Variants in ZNF675 observed in about 807,000 individuals in gnomAD.
ZNF675 encodes zinc finger protein 675, also known as TRAF6 inhibitory zinc finger.
Under a neutral mutation model 56.1 loss-of-function variants are expected in ZNF675, and 36 were observed. The observed-to-expected ratio is 0.64, with a 90% CI of 0.49 to 0.85. ZNF675 has a LOEUF of 0.85. Among genes scored for constraint, ZNF675 ranks in the 40% least tolerant of loss-of-function variants. The pLI, the probability that ZNF675 is intolerant of heterozygous loss-of-function variation, is 0.00. For missense variants in ZNF675, 663 were observed against 654.2 expected (o/e 1.01, Z -0.15); for synonymous variants, 200 against 218.9 (o/e 0.91, Z 0.76).
chr19:23,658,025 T>A (rs890137469), intron 3 of ZNF675, among the ~76,000 whole-genome samples: 6 of 151,896 alleles, frequency 4.0e-5, no homozygotes, highest in Admixed American at 1.3e-4. Context: ...AGAGAAACGT[T>A]TACTCATAAA....
intron 1 of ZNF675, among the ~76,000 whole-genome samples, chr19:23,667,869 G>A (rs1968174378): frequency 6.9e-6 from 1 of 144,684 alleles, no homozygotes; most frequent in Non-Finnish European, 1.5e-5. Flanking sequence ...CTAGACACAG[G>A]GTGCTGATTG....
Position 23,687,101 on chromosome 19 carries a change from A to C in ZNF675, c.-68T>G, listed in dbSNP as rs1361295298. On this transcript the variant is annotated 5_prime_UTR_variant, in exon 1 of 4. Coordinates refer to ENST00000359788, the MANE Select transcript of ZNF675 (RefSeq NM_138330.3). ...CTCAATTTCTGCAGGTCACAGGCCC[A>C]CAGAGGCTGGACCTCTAGGAGCAGA... is the stretch of plus-strand genomic sequence containing the variant. The C allele has an allele frequency of 6.3e-7, 1 of 1,591,754 alleles. No homozygotes were observed. Among genetic ancestry groups the C allele is most frequent in the Non-Finnish European group, 8.6e-7 (1 of 1,160,740 alleles).
intron 1 of ZNF675, among the ~76,000 whole-genome samples, chr19:23,664,632 T>C (rs937983289): frequency 1.3e-5 from 2 of 152,160 alleles, no homozygotes; most frequent in Non-Finnish European, 2.9e-5. Flanking sequence ...TTTGGCCTCA[T>C]GTTAGAGTCA....
rs548619092 is a variant in ZNF675, at chr19:23,653,042, G to C, written c.*184C>G. On this transcript the variant is annotated 3_prime_UTR_variant, in exon 4 of 4. Coordinates refer to ENST00000359788, the MANE Select transcript of ZNF675 (RefSeq NM_138330.3). ...CGCTTTCCTGTGCAATAAGGTTTGAGCCTTAATTAACAGTATTGCCAAATT... is the reference window on the plus strand; with the variant it reads ...CGCTTTCCTGTGCAATAAGGTTTGACCCTTAATTAACAGTATTGCCAAATT... The C allele has an allele frequency of 3.6e-4, 208 of 574,048 alleles. No individual in the cohort carries two copies. Among genetic ancestry groups the C allele is most frequent in the Non-Finnish European group, 5.3e-4 (181 of 341,184 alleles). The allele number at this position is 574,048 out of a possible 1,614,324, so 35.6% of individuals were successfully genotyped here.
chr19:23,675,432 C>CT lies in ZNF675; in HGVS notation c.3+11598dup, dbSNP rs571968540. Among the ~76,000 whole-genome samples the CT allele has an allele frequency of 2.1e-3, 318 of 151,844 alleles. 6 individuals are homozygous for CT. The highest frequency in any genetic ancestry group is 7.5e-3 in the African/African-American group (308 of 41,150). ...TTTTCACCACCACAGGGCACATACT[C>CT]TAAAACTGACCACAAAATCAGAAAT... On this transcript the variant is annotated intron_variant, in intron 1 of 3. Transcript: ENST00000359788.
intron 3 of ZNF675, among the ~76,000 whole-genome samples, chr19:23,660,238 C>A (rs189382666): frequency 1.3e-5 from 2 of 151,780 alleles, no homozygotes; most frequent in African/African-American, 4.8e-5. Context: ...TCACCCTGAG[C>A]GTCCAACAAA....
At chr19:23,664,212 AT>A (rs1254276193) in intron 1 of ZNF675, among the ~76,000 whole-genome samples, 1 of 152,014 alleles carries the variant, frequency 6.6e-6, no homozygotes, top group African/African-American at 2.4e-5. Context: ...AAAAAAAGCC[AT>A]TTTTTCCTTT....
At chr19:23,684,788 T>G (rs1454687568) in intron 1 of ZNF675, among the ~76,000 whole-genome samples, 1 of 152,210 alleles carries the variant, frequency 6.6e-6, no homozygotes, top group Non-Finnish European at 1.5e-5. Flanking sequence ...CTGCCCCAAG[T>G]GCATTTTACT....
At chr19:23,667,859 C>A (rs935019990) in intron 1 of ZNF675, among the ~76,000 whole-genome samples, 3 of 146,410 alleles carry the variant, frequency 2.0e-5, no homozygotes, top group African/African-American at 7.7e-5. Flanking sequence ...AAACCCTGAG[C>A]TAGACACAGG....
intron 1 of ZNF675, among the ~76,000 whole-genome samples, chr19:23,670,444 C>A (rs550722450): frequency 6.6e-6 from 1 of 151,028 alleles, no homozygotes; most frequent in African/African-American, 2.4e-5. Flanking sequence ...GAACCTACCC[C>A]CCAAAGGAAA....
At chr19:23,658,725 CACAAA>C (rs1367443972) in intron 3 of ZNF675, 4 of 60,084 alleles carry the variant, frequency 6.7e-5, no homozygotes, top group Admixed American at 3.5e-4. Flanking sequence ...GCTATTGTTA[CACAAA>C]ACAAAACTGC....
chr19:23,655,592 C>G (rs1246530030), intron 3 of ZNF675: 1 of 151,868 alleles, frequency 6.6e-6, no homozygotes, highest in Non-Finnish European at 1.5e-5. Context: ...CCCTCATGAC[C>G]TAAGCACCTC....
chr19:23,682,000 T>TTA (rs1380576315), intron 1 of ZNF675, among the ~76,000 whole-genome samples: 2 of 101,176 alleles, frequency 2.0e-5, no homozygotes, highest in African/African-American at 7.5e-5. Flanking sequence ...AAATACCCTC[T>TTA]TATTATGACT....
intron 2 of ZNF675, among the ~76,000 whole-genome samples, chr19:23,662,550 A>G (rs945612261): frequency 2.6e-5 from 4 of 152,238 alleles, no homozygotes; most frequent in Admixed American, 6.5e-5. Flanking sequence ...GAAACATACT[A>G]AAGAAATTCT....
At chr19:23,672,241 A>G (rs1356384924) in intron 1 of ZNF675, among the ~76,000 whole-genome samples, 1 of 7,812 alleles carries the variant, frequency 1.3e-4, no homozygotes, top group Admixed American at 3.6e-3. Context: ...TTTAAAAAAA[A>G]AAAAAAAAAA....
At chr19:23,676,710 A>T (rs1599421983) in intron 1 of ZNF675, among the ~76,000 whole-genome samples, 1 of 152,002 alleles carries the variant, frequency 6.6e-6, no homozygotes, top group East Asian at 1.9e-4. Flanking sequence ...ACTTCAAAAG[A>T]GTTATCTACG....
intron 1 of ZNF675, among the ~76,000 whole-genome samples, chr19:23,664,721 T>C (rs999329124): frequency 2.6e-5 from 4 of 151,204 alleles, no homozygotes; most frequent in African/African-American, 9.7e-5. Context: ...GAGGCCAAAG[T>C]GGGCAGATCA....
intron 1 of ZNF675, among the ~76,000 whole-genome samples, chr19:23,665,504 G>C (rs1968138264): frequency 6.6e-6 from 1 of 151,316 alleles, no homozygotes; most frequent in African/African-American, 2.4e-5. Flanking sequence ...TTGGGTTTTT[G>C]TGTGTGTGTG....
chr19:23,661,302 T>C (rs931101193), intron 3 of ZNF675, among the ~76,000 whole-genome samples: 1 of 150,522 alleles, frequency 6.6e-6, no homozygotes, highest in African/African-American at 2.4e-5. Flanking sequence ...TGAGCCACCG[T>C]GCCTGGCCCT....
Sources: allele counts gnomAD v4.1 joint callset (sites outside exome capture counted in the v4.1 genomes callset), GRCh38; gene constraint gnomAD v4.1.1; transcripts MANE v1.5; gene names NCBI Gene and HGNC (gene_info 2026-07-23, HGNC 2026-07-21).